Variants in PRKAR1A observed in about 807,000 individuals in gnomAD.
PRKAR1A encodes the protein cAMP-dependent protein kinase type I-alpha regulatory subunit.
A neutral mutation model predicts 52.0 loss-of-function variants in PRKAR1A; 3 were observed. The ratio of observed to expected loss-of-function variants is 0.06; its 90% CI spans 0.03 to 0.15. PRKAR1A has a LOEUF of 0.15. Among genes scored for constraint, PRKAR1A ranks in the 10% least tolerant of loss-of-function variants. The probability of loss-of-function intolerance (pLI) is 1.00; values close to 1 mark genes in which losing one functional copy is unlikely to be tolerated. For synonymous variants in PRKAR1A, 188 were observed against 168.4 expected, an observed-to-expected ratio of 1.12 and a Z score of -0.90; for missense variants, 240 against 477.4, an observed-to-expected ratio of 0.50 and a Z score of 4.63.
At chr17:68,433,524 G>A in the PRKAR1A span, 10 of 1,613,750 alleles carry the variant, frequency 6.2e-6, no homozygotes, top group African/African-American at 4.0e-5. Context: ...TACTGGAGGC[G>A]CAGAGGAATT....
chr17:68,420,283 G>T, the PRKAR1A span: 1 of 1,614,106 alleles, frequency 6.2e-7, no homozygotes, highest in East Asian at 2.2e-5. Flanking sequence ...CAGAAGCTGT[G>T]CCCCTAGAAA....
At chr17:68,457,313 T>C in the PRKAR1A span, 1 of 1,539,134 alleles carries the variant, frequency 6.5e-7, no homozygotes, top group East Asian at 2.6e-5. Flanking sequence ...GTCCCCCACC[T>C]CCCTGGCAGG....
At chr17:68,453,521 C>T in the PRKAR1A span, among the ~76,000 whole-genome samples, 3 of 150,632 alleles carry the variant, frequency 2.0e-5, no homozygotes, top group South Asian at 2.1e-4. Flanking sequence ...CTCTGTCACC[C>T]GGGCTGGAGT....
the PRKAR1A span, among the ~76,000 whole-genome samples, chr17:68,443,560 A>C: frequency 7.0e-6 from 1 of 142,194 alleles, no homozygotes; most frequent in African/African-American, 2.5e-5. Context: ...TCACTTTCAC[A>C]AACATTACCT....
chr17:68,434,507 G>A, the PRKAR1A span: 2 of 1,602,440 alleles, frequency 1.2e-6, no homozygotes, highest in Admixed American at 1.7e-5. Context: ...AGCGGTCCCT[G>A]CGGGACTTCT....
intron 7 of PRKAR1A, 129 bp from the exon 8 acceptor site, chr17:68,527,711 A>G (rs926199729): frequency 5.3e-6 from 4 of 751,194 alleles, no homozygotes; most frequent in Non-Finnish European, 8.8e-6. Flanking sequence ...AACTTTCCTC[A>G]TTAAAAGCAA....
At position 68,531,906 on chromosome 17, in the gene PRKAR1A, A is replaced by G. The variant is rs2085986280; in HGVS notation, c.*1457A>G. 1 of 1,057,664 alleles carries G rather than the reference A, an allele frequency of 9.5e-7. No individual in the cohort carries two copies. The highest frequency in any genetic ancestry group is 1.1e-6 in the Non-Finnish European group (1 of 871,926). 65.5% of individuals were successfully genotyped at this position (1,057,664 alleles called of 1,614,324 possible). A position where few individuals can be genotyped will look rare whatever the true frequency, so the allele number is the denominator to read the frequency against. On this transcript the variant is annotated 3_prime_UTR_variant, in exon 11 of 11. Coordinates refer to ENST00000589228, the MANE Select transcript of PRKAR1A (RefSeq NM_002734.5). ...TATATATAAGGTAATGTAGGGTTAT[A>G]TTTGGGAGTGACTGCAAGCATTTTT...
chr17:68,428,458 C>A, the PRKAR1A span: 1 of 202,160 alleles, frequency 4.9e-6, no homozygotes, highest in East Asian at 1.4e-4. Context: ...GTCTTGAACA[C>A]CTGGACTCAA....
rs35871101 is a variant in PRKAR1A, at chr17:68,542,082, C to T, written c.974-9002C>T. The stretch of plus-strand genomic sequence containing the variant: ...GACGGCAGGAAGGCAGAGAGGGAAC[C>T]CTCCAGCAGGTGTGGGTTGCCACAG... On this transcript the variant is annotated intron_variant, in intron 11 of 11. Coordinates refer to the PRKAR1A transcript ENST00000585981. 6.1e-4 allele frequency: 987 copies of T among 1,613,948 alleles called. No individual in the cohort carries two copies. The highest frequency in any genetic ancestry group is 7.6e-4 in the Non-Finnish European group (902 of 1,179,880).
chr17:68,491,199 T>C, the PRKAR1A span, among the ~76,000 whole-genome samples: 4,659 of 152,046 alleles, frequency 0.031, 213 homozygotes, highest in African/African-American at 0.1. Context: ...TCAAGTGATT[T>C]GCCTGCCTCA....
At chr17:68,488,729 C>CAA in the PRKAR1A span, among the ~76,000 whole-genome samples, 1 of 58,118 alleles carries the variant, frequency 1.7e-5, no homozygotes, top group Admixed American at 2.3e-4. Context: ...GACTCCATCT[C>CAA]AAAACAAAAA....
intron 2 of PRKAR1A, among the ~76,000 whole-genome samples, chr17:68,519,615 CCTT>C (rs1438530694): frequency 4.6e-5 from 7 of 152,194 alleles, no homozygotes; most frequent in African/African-American, 1.4e-4. Context: ...ATTCTCATCA[CCTT>C]CTTCGTCATT....
At chr17:68,478,179 T>A in the PRKAR1A span, among the ~76,000 whole-genome samples, 1 of 152,048 alleles carries the variant, frequency 6.6e-6, no homozygotes, top group African/African-American at 2.4e-5. Context: ...CTTGGCCGGG[T>A]GTGGTGGCTC....
At chr17:68,453,071 C>A in the PRKAR1A span, 1 of 1,184,188 alleles carries the variant, frequency 8.4e-7, no homozygotes, top group South Asian at 1.2e-5. Context: ...TGCCTTTTGC[C>A]CCCTAGCCTC....
chr17:68,466,740 G>A, the PRKAR1A span, among the ~76,000 whole-genome samples: 1 of 152,076 alleles, frequency 6.6e-6, no homozygotes, highest in African/African-American at 2.4e-5. Flanking sequence ...TGTTAATGTG[G>A]AGAATTATAT....
At chr17:68,426,242 T>TGGGGGGGGG in the PRKAR1A span, 189 of 682,702 alleles carry the variant, frequency 2.8e-4, 43 homozygotes, top group Admixed American at 7.5e-4. Context: ...ACCTGGCGGG[T>TGGGGGGGGG]GGGGAGCGGG....
chr17:68,459,379 T>C, the PRKAR1A span, among the ~76,000 whole-genome samples: 9 of 152,254 alleles, frequency 5.9e-5, no homozygotes, highest in South Asian at 4.1e-4. Context: ...TAAGCTGTTA[T>C]TATCAGTTTG....
At chr17:68,465,658 G>A in the PRKAR1A span, among the ~76,000 whole-genome samples, 3 of 39,098 alleles carry the variant, frequency 7.7e-5, no homozygotes, top group Admixed American at 2.0e-4. Flanking sequence ...TTGTAGAGAC[G>A]GGGTTTCACC....
chr17:68,471,457 TGG>T, the PRKAR1A span, among the ~76,000 whole-genome samples: 1 of 152,208 alleles, frequency 6.6e-6, no homozygotes, highest in African/African-American at 2.4e-5. Context: ...CCTTGATGTG[TGG>T]TATGGACAGA....
Sources: gnomAD v4.1 joint callset for allele counts (sites outside exome capture counted in the v4.1 genomes callset) on GRCh38, gnomAD v4.1.1 for gene constraint, MANE v1.5 for transcripts, NCBI Gene and HGNC (gene_info 2026-07-23, HGNC 2026-07-21) for gene names.